The following EBF1 variants were observed in gnomAD, a reference collection of about 807,000 sequenced individuals.
EBF1 encodes the protein EBF transcription factor 1, also known as transcription factor COE1.
Under a neutral mutation model 68.4 loss-of-function variants are expected in EBF1, and 10 were observed. That is an observed-to-expected ratio of 0.15 (90% CI 0.09 to 0.25). The LOEUF (loss-of-function observed/expected upper bound fraction) is 0.25. EBF1 is among the 10% of genes least tolerant of loss of function. The probability of loss-of-function intolerance (pLI) is 1.00; values close to 1 mark genes in which losing one functional copy is unlikely to be tolerated. For synonymous variants in EBF1, 298 were observed against 299.8 expected, an observed-to-expected ratio of 0.99 and a Z score of 0.06; for missense variants, 509 against 794.4, an observed-to-expected ratio of 0.64 and a Z score of 4.32.
At chr5:159,045,944 C>A (rs146926854) in intron 6 of EBF1, among the ~76,000 whole-genome samples, 88 of 152,274 alleles carry the variant, frequency 5.8e-4, no homozygotes, top group Middle Eastern at 3.4e-3. Context: ...CTCCCCATAG[C>A]CTATCTGAGC....
intron 6 of EBF1, among the ~76,000 whole-genome samples, chr5:158,963,023 A>G (rs1397592603): frequency 1.3e-5 from 2 of 152,350 alleles, no homozygotes; most frequent in South Asian, 2.1e-4. Context: ...CTGAAAAAGC[A>G]TAACAGATCA....
intron 6 of EBF1, among the ~76,000 whole-genome samples, chr5:159,046,406 C>CA (rs1041184105): frequency 4.6e-5 from 7 of 152,266 alleles, no homozygotes; most frequent in Admixed American, 2.6e-4. Context: ...TGTGCAATGA[C>CA]AAAAATCCTA....
At chr5:158,991,738 G>A (rs1325905891) in intron 6 of EBF1, among the ~76,000 whole-genome samples, 1 of 152,094 alleles carries the variant, frequency 6.6e-6, no homozygotes, top group Non-Finnish European at 1.5e-5. Context: ...AATGTTCTTG[G>A]AGGAAATGCA....
chr5:158,917,731 C>A (rs1399867294), intron 6 of EBF1, among the ~76,000 whole-genome samples: 1 of 152,220 alleles, frequency 6.6e-6, no homozygotes, highest in Non-Finnish European at 1.5e-5. Context: ...TGGTACTCAT[C>A]TATAGCAAAA....
chr5:158,716,153 T>C (rs1477552955), intron 11 of EBF1, among the ~76,000 whole-genome samples: 2 of 152,172 alleles, frequency 1.3e-5, no homozygotes, highest in Non-Finnish European at 2.9e-5. Context: ...AGTTCAAAAT[T>C]AAACTCCAAG....
chr5:158,750,997 A>T (rs946760704), intron 10 of EBF1, among the ~76,000 whole-genome samples: 1 of 152,160 alleles, frequency 6.6e-6, no homozygotes, highest in African/African-American at 2.4e-5. Flanking sequence ...CATGTTTATG[A>T]AGAAATTTTA....
chr5:158,871,195 G>C (rs995837944), intron 6 of EBF1, among the ~76,000 whole-genome samples: 8 of 152,162 alleles, frequency 5.3e-5, no homozygotes, highest in African/African-American at 1.9e-4. Flanking sequence ...TCAAGCCTTA[G>C]GGTCTAAGAC....
At chr5:159,095,552 A>G in intron 4 of EBF1, 68 bp downstream of exon 4, 2 of 1,586,410 alleles carry the variant, frequency 1.3e-6, no homozygotes, top group South Asian at 1.1e-5. Flanking sequence ...CGGTGGAGCA[A>G]CTAGCTTCTT....
At chr5:159,050,752 G>A (rs1478006945) in intron 6 of EBF1, among the ~76,000 whole-genome samples, 3 of 152,154 alleles carry the variant, frequency 2.0e-5, no homozygotes, top group African/African-American at 7.2e-5. Context: ...CTCCTTCCCC[G>A]CCAAGGCTTA....
At chr5:158,883,423 T>C (rs1005028831) in intron 6 of EBF1, among the ~76,000 whole-genome samples, 3 of 105,854 alleles carry the variant, frequency 2.8e-5, no homozygotes, top group African/African-American at 1.1e-4. Flanking sequence ...CATACATACG[T>C]ATATATATAT....
At chr5:158,868,949 A>G (rs1379090656) in intron 6 of EBF1, among the ~76,000 whole-genome samples, 1 of 152,210 alleles carries the variant, frequency 6.6e-6, no homozygotes, top group East Asian at 1.9e-4. Context: ...AGGAGGTTTC[A>G]TGTTCTCTTG....
chr5:158,707,966 G>A lies in EBF1; in HGVS notation c.1744+13C>T. ...CATTGAATCTGGATTGGCAGGTGGG[G>A]CCTGGGGCTTACCTTGCAGGCTGTT... On this transcript the variant is annotated intron_variant, in intron 15 of 15. Transcript: ENST00000313708. The A allele has an allele frequency of 6.5e-7, 1 of 1,547,744 alleles. No individual in the cohort carries two copies. Among genetic ancestry groups the A allele is most frequent in the Non-Finnish European group, 8.7e-7 (1 of 1,145,174 alleles).
chr5:158,721,976 G>T (rs1372468545), intron 11 of EBF1, among the ~76,000 whole-genome samples: 2 of 151,828 alleles, frequency 1.3e-5, no homozygotes, highest in Non-Finnish European at 2.9e-5. Flanking sequence ...TGGGAGCCTG[G>T]GGTGCTTCCC....
intron 6 of EBF1, among the ~76,000 whole-genome samples, chr5:159,032,263 C>T (rs1769069822): frequency 6.6e-6 from 1 of 152,218 alleles, no homozygotes; most frequent in Admixed American, 6.5e-5. Flanking sequence ...GTATGATTAT[C>T]TCCGTTGTAC....
At chr5:158,911,498 A>G (rs1178626473) in intron 6 of EBF1, among the ~76,000 whole-genome samples, 1 of 152,108 alleles carries the variant, frequency 6.6e-6, no homozygotes, top group Non-Finnish European at 1.5e-5. Flanking sequence ...ATCATCTATC[A>G]TCCTCAGGGT....
intron 6 of EBF1, among the ~76,000 whole-genome samples, chr5:158,876,956 T>C (rs756770286): frequency 4.6e-5 from 7 of 152,210 alleles, no homozygotes; most frequent in Non-Finnish European, 7.3e-5. Flanking sequence ...TGTTTGCTGT[T>C]TTCTTTTAGG....
intron 10 of EBF1, among the ~76,000 whole-genome samples, chr5:158,736,214 G>A (rs1486293517): frequency 1.3e-5 from 2 of 152,132 alleles, no homozygotes; most frequent in Non-Finnish European, 2.9e-5. Flanking sequence ...TATGAAAAAT[G>A]ATTTTTCTCT....
At chr5:158,893,735 A>C (rs1801637424) in intron 6 of EBF1, among the ~76,000 whole-genome samples, 1 of 152,214 alleles carries the variant, frequency 6.6e-6, no homozygotes, top group Non-Finnish European at 1.5e-5. Flanking sequence ...ATTTCCAAGT[A>C]TATTCTCCAC....
At chr5:158,909,956 T>TAAAAAAAAAAA (rs59274919) in intron 6 of EBF1, among the ~76,000 whole-genome samples, 3 of 46,730 alleles carry the variant, frequency 6.4e-5, no homozygotes, top group Non-Finnish European at 8.1e-5. Flanking sequence ...ACTCTGTCTA[T>TAAAAAAAAAAA]AAAAAAAAAA....
Sources: gnomAD v4.1 joint callset for allele counts (sites outside exome capture counted in the v4.1 genomes callset) on GRCh38, gnomAD v4.1.1 for gene constraint, MANE v1.5 for transcripts, NCBI Gene and HGNC (gene_info 2026-07-23, HGNC 2026-07-21) for gene names.